The following CARMIL2 variants were observed in gnomAD, a reference collection of about 807,000 sequenced individuals.
The protein encoded by CARMIL2 is capping protein, Arp2/3 and myosin-I linker protein 2.
In CARMIL2, 96 loss-of-function variants were observed where a neutral mutation model predicts 173.3. The observed-to-expected ratio is 0.55, with a 90% CI of 0.47 to 0.66. CARMIL2 has a LOEUF of 0.66. CARMIL2 is among the 30% of genes least tolerant of loss of function. The pLI is 0.00. For missense variants in CARMIL2, 1,771 were observed against 1,906.7 expected (o/e 0.93, Z 1.33); for synonymous variants, 830 against 817.1 (o/e 1.02, Z -0.27).
intron 2 of CARMIL2, 42 bp downstream of exon 2, chr16:67,645,673 C>A: frequency 1.2e-6 from 2 of 1,613,300 alleles, no homozygotes; most frequent in Admixed American, 1.7e-5. Context: ...GCTGTGGCCC[C>A]ACAGAAAGAG....
chr16:67,656,503 G>A lies in CARMIL2; in HGVS notation c.3894G>A (p.Ala1298=), dbSNP rs367879956. The change falls in exon 35 of 38, where the codon GCG becomes GCA. Residue 1298 remains alanine (A), a synonymous_variant. Transcript: ENST00000334583. The stretch of plus-strand genomic sequence containing the variant: ...AGACACTGGGGCAGCAGTTGAATGC[G>A]GAGCTCAGGAGCCGTGGTTGGGGCC... The part of the protein sequence containing the change: ...TWKTLGQQLN[A]ELRSRGWGQQ... 3.1e-5 allele frequency: 50 copies of A among 1,613,140 alleles called. No homozygotes were observed. The highest frequency in any genetic ancestry group is 3.6e-5 in the Non-Finnish European group (42 of 1,179,684).
At chr16:67,650,294 C>T (rs1258081258) in intron 22 of CARMIL2, 144 bp downstream of exon 22, 1 of 659,190 alleles carries the variant, frequency 1.5e-6, no homozygotes, top group East Asian at 2.7e-5. Context: ...TCTCCTTGAT[C>T]TGGAGGCGGC....
chr16:67,646,114 C>T lies in CARMIL2; in HGVS notation c.249+34C>T, dbSNP rs540446094. 5.6e-6 allele frequency: 9 copies of T among 1,613,812 alleles called. No individual in the cohort carries two copies. The South Asian group carries it at 8.8e-5, about 16-fold the overall frequency. On this transcript the variant is annotated intron_variant, in intron 4 of 37. Transcript: ENST00000334583. The surrounding 1 kb of genome is among the most constrained non-coding windows in gnomAD (Gnocchi z 4.6). ...CCTAGTACCCTACCTGGGCCTGCAG[C>T]CTGGTCTTCATGCTACCACCATCAC...
chr16:67,648,481 A>G lies in CARMIL2; in HGVS notation c.1418A>G (p.Lys473Arg), dbSNP rs1415852938. The G allele has an allele frequency of 1.4e-6, 2 of 1,435,864 alleles. No individual in the cohort carries two copies. Among genetic ancestry groups the G allele is most frequent in the South Asian group, 3.0e-5 (2 of 67,766 alleles). The allele number at this position is 1,435,864 out of a possible 1,614,324, so 88.9% of individuals were successfully genotyped here. A position where few individuals can be genotyped will look rare whatever the true frequency, so the allele number is the denominator to read the frequency against. Residue 473 changes from lysine to arginine, a missense_variant, in exon 15 of 38, where the codon AAG becomes AGG. This residue lies in a region of CARMIL2 where 944 missense variants were observed against 975.6 expected (regional missense o/e 0.97). Transcript: ENST00000334583. This position sits in a 1 kb window ranked among gnomAD's most constrained non-coding sequence, Gnocchi z 6.1. ...TLRHLGLAGC[K>R]LPPDALRALL... ...CGGCACCTGGGCCTGGCGGGCTGCAAGCTGCCGCCCGACGCGCTCAGGTCA... is the reference window on the plus strand; with the variant it reads ...CGGCACCTGGGCCTGGCGGGCTGCAGGCTGCCGCCCGACGCGCTCAGGTCA...
chr16:67,653,357 G>A lies in CARMIL2; in HGVS notation c.3120+103G>A. 2 of 436,056 alleles carry A rather than the reference G, an allele frequency of 4.6e-6. No homozygotes were observed. The highest frequency in any genetic ancestry group is 6.4e-6 in the Non-Finnish European group (2 of 314,580). The allele number at this position is 436,056 out of a possible 1,614,324, so 27.0% of individuals were successfully genotyped here. On this transcript the variant is annotated intron_variant, in intron 29 of 37. Coordinates refer to ENST00000334583, the MANE Select transcript of CARMIL2 (RefSeq NM_001013838.3). This position sits in a 1 kb window ranked among gnomAD's most constrained non-coding sequence, Gnocchi z 7.4. Reference sequence around the variant, plus strand: ...CGGTCAAGGAGAGGGGGTGGTGGGGGCCCAAGGCCACCTGGTCGTGCGGCC... The same window carrying A: ...CGGTCAAGGAGAGGGGGTGGTGGGGACCCAAGGCCACCTGGTCGTGCGGCC...
Position 67,654,093 on chromosome 16 carries a change from G to T in CARMIL2, c.3121-56G>T, listed in dbSNP as rs867897872. The T allele has an allele frequency of 2.4e-3, 2,513 of 1,069,112 alleles. 70 individuals carry two copies. In the South Asian group the frequency reaches 0.025, roughly 11 times the overall value. The allele number at this position is 1,069,112 out of a possible 1,614,324, so 66.2% of individuals were successfully genotyped here. ...CAGGCTGCCGGCCGGGGGGGGGGGG[G>T]GGTAGAAGCCAGAGTTGCACTCAAC... On this transcript the variant is annotated intron_variant, in intron 29 of 37. Transcript: ENST00000334583.
At position 67,648,249 on chromosome 16, in the gene CARMIL2, G is replaced by T. The variant is rs377136934; in HGVS notation, c.1269G>T (p.Ala423=). 5.6e-6 allele frequency: 9 copies of T among 1,600,602 alleles called. No individual in the cohort carries two copies. Among genetic ancestry groups the T allele is most frequent in the Non-Finnish European group, 7.6e-6 (9 of 1,176,482 alleles). ...GCCTCCCCCCGCAGCTCTTCGCAGCGGTATCCCGAGGCTGCTGCACCAGCC... is the reference window on the plus strand; with the variant it reads ...GCCTCCCCCCGCAGCTCTTCGCAGCTGTATCCCGAGGCTGCTGCACCAGCC... ...ANSLPPQLFA[A]VSRGCCTSLT... is the part of the protein sequence containing the mutation. The change falls in exon 14 of 38, where the codon GCG becomes GCT. Residue 423 remains alanine, a synonymous_variant. Transcript: ENST00000334583. This position sits in a 1 kb window ranked among gnomAD's most constrained non-coding sequence, Gnocchi z 6.1.
rs116162519 is a variant in CARMIL2 at position 67,650,038 on chromosome 16, C to A, written c.2083-11C>A. The A allele has an allele frequency of 6.1e-4, 981 of 1,613,690 alleles. 8 individuals carry two copies. The African/African-American group carries it at 0.011, about 19-fold the overall frequency. Reference sequence around the variant, plus strand: ...CGTCCCTCGGCATTTCTCAATACCCCTTGCCCCTAGATCCAAGCCTGTCTC... The same window carrying A: ...CGTCCCTCGGCATTTCTCAATACCCATTGCCCCTAGATCCAAGCCTGTCTC... On this transcript the variant is annotated splice_polypyrimidine_tract_variant and intron_variant, in intron 21 of 37. Transcript: ENST00000334583.
intron 33 of CARMIL2, 54 bp downstream of exon 33, chr16:67,656,121 A>G: frequency 6.2e-7 from 1 of 1,611,218 alleles, no homozygotes; most frequent in Non-Finnish European, 8.5e-7. Flanking sequence ...GTCCTTATAG[A>G]CAGCCCCCAA....
intron 33 of CARMIL2, 32 bp from the exon 34 acceptor site, chr16:67,656,196 C>G (rs746377085): frequency 6.2e-7 from 1 of 1,613,244 alleles, no homozygotes. Context: ...CCTCCAAGGT[C>G]TGGTACCTGA....
At position 67,646,106 on chromosome 16, in the gene CARMIL2, G is replaced by T; in HGVS notation, c.249+26G>T. The T allele has an allele frequency of 1.2e-6, 2 of 1,613,782 alleles. No individual in the cohort carries two copies. Among genetic ancestry groups the T allele is most frequent in the South Asian group, 1.1e-5 (1 of 91,086 alleles). On this transcript the variant is annotated intron_variant, in intron 4 of 37. Coordinates refer to ENST00000334583, the MANE Select transcript of CARMIL2 (RefSeq NM_001013838.3). The surrounding 1 kb of genome is among the most constrained non-coding windows in gnomAD (Gnocchi z 4.6). ...GTGAGACACCTAGTACCCTACCTGG[G>T]CCTGCAGCCTGGTCTTCATGCTACC... is the stretch of plus-strand genomic sequence containing the variant.
chr16:67,656,747 G>T, intron 35 of CARMIL2, 54 bp from the exon 36 acceptor site: 1 of 1,553,108 alleles, frequency 6.4e-7, no homozygotes, highest in Non-Finnish European at 8.7e-7. Flanking sequence ...TGGGAGGCAA[G>T]GGCTGGAGTG....
Position 67,647,295 on chromosome 16 carries a change from T to G in CARMIL2, c.688-4T>G, listed in dbSNP as rs1441084356. On this transcript the variant is annotated splice_polypyrimidine_tract_variant and splice_region_variant and intron_variant, in intron 9 of 37. Coordinates refer to ENST00000334583, the MANE Select transcript of CARMIL2 (RefSeq NM_001013838.3). ...CCCGTGAGCCGCCGCCCTCTGCTTCTCAGAGCCTTGAGGTCTCAGAACAGA... is the reference window on the plus strand; with the variant it reads ...CCCGTGAGCCGCCGCCCTCTGCTTCGCAGAGCCTTGAGGTCTCAGAACAGA... The G allele has an allele frequency of 6.2e-7, 1 of 1,606,140 alleles. No homozygotes were observed. Among genetic ancestry groups the G allele is most frequent in the African/African-American group, 1.3e-5 (1 of 74,784 alleles).
Position 67,647,763 on chromosome 16 carries a change from C to A in CARMIL2, c.955C>A (p.Arg319=). 3 of 1,488,756 alleles carry A rather than the reference C, an allele frequency of 2.0e-6. No individual in the cohort carries two copies. The highest frequency in any genetic ancestry group is 2.7e-6 in the Non-Finnish European group (3 of 1,118,794). The allele number at this position is 1,488,756 out of a possible 1,614,324, so 92.2% of individuals were successfully genotyped here. A position where few individuals can be genotyped will look rare whatever the true frequency, so the allele number is the denominator to read the frequency against. ...LSLAQTGLTP[R]GMRALGRALA... ...CCTGGCCCAGACAGGGTTGACACCG[C>A]GAGGTAGGCTGGATGAGGGAGGGGG... Residue 319 remains arginine (R), a synonymous_variant, in exon 12 of 38, where the codon CGA becomes AGA. Transcript: ENST00000334583.
At position 67,649,936 on chromosome 16, in the gene CARMIL2, C is replaced by T. The variant is rs567410631; in HGVS notation, c.2050C>T (p.Arg684Cys). ...LNDVAQAQRS[R>C]PELTARAVHQ... ...CGACGTGGCCCAGGCGCAGCGCAGC[C>T]GCCCGGAACTGACAGCACGTGCAGT... is the stretch of plus-strand genomic sequence containing the variant. The change falls in exon 21 of 38, where the codon CGC (arginine) becomes TGC (cysteine). Residue 684 changes from arginine to cysteine, a missense_variant. Arg to Cys is a radical substitution (Grantham distance 180). Around this residue, in one of 3 missense-constraint regions of CARMIL2, gnomAD observed 944 missense variants for 975.6 expected, o/e 0.97. Transcript: ENST00000334583. This position sits in a 1 kb window ranked among gnomAD's most constrained non-coding sequence, Gnocchi z 6.7. The T allele has an allele frequency of 2.4e-5, 38 of 1,613,274 alleles. No homozygotes were observed. In the Admixed American group the frequency reaches 2.7e-4, roughly 11 times the overall value.
In CARMIL2 at chr16:67,654,205, C is replaced by A; in HGVS notation, c.3177C>A (p.Gly1059=). 1 of 1,564,990 alleles carries A rather than the reference C, an allele frequency of 6.4e-7. No homozygotes were observed. Among genetic ancestry groups the A allele is most frequent in the Non-Finnish European group, 8.7e-7 (1 of 1,155,876 alleles). The change falls in exon 30 of 38, where the codon GGC becomes GGA. Residue 1059 remains glycine, a synonymous_variant. Transcript: ENST00000334583. ...GNGLSARVDE[G]VEEFFSKRLI... is the part of the protein sequence containing the mutation. ...GGCTCAGTGCCCGCGTGGACGAGGG[C>A]GTGGAGGAATTCTTCTCCAAAAGGC...
In CARMIL2 at chr16:67,654,494, A is replaced by C; in HGVS notation, c.3384A>C (p.Arg1128=). 1 of 1,612,722 alleles carries C rather than the reference A, an allele frequency of 6.2e-7. No individual in the cohort carries two copies. Residue 1128 remains arginine (R), a synonymous_variant, in exon 31 of 38, where the codon CGA becomes CGC. Coordinates refer to ENST00000334583, the MANE Select transcript of CARMIL2 (RefSeq NM_001013838.3). ...GCCCTGGGGCAGCTCCCCGAACCCG[A>C]AAAACTACATTTGGCGACCTACTGC... ...ETSPGAAPRT[R]KTTFGDLLRP... is the part of the protein sequence containing the mutation.
At chr16:67,654,076 CG>C in intron 29 of CARMIL2, 72 bp from the exon 30 acceptor site, 4 of 928,316 alleles carry the variant, frequency 4.3e-6, no homozygotes, top group East Asian at 6.0e-5. Flanking sequence ...TCCAGGCTGC[CG>C]GCCGGGGGGG....
At position 67,649,994 on chromosome 16, in the gene CARMIL2, C is replaced by T. The variant is rs753864551; in HGVS notation, c.2082+26C>T. The T allele has an allele frequency of 2.5e-5, 41 of 1,613,604 alleles. No homozygotes were observed. The South Asian group carries it at 4.3e-4, about 17-fold the overall frequency. On this transcript the variant is annotated intron_variant, in intron 21 of 37. Coordinates refer to ENST00000334583, the MANE Select transcript of CARMIL2 (RefSeq NM_001013838.3). The surrounding 1 kb of genome is among the most constrained non-coding windows in gnomAD (Gnocchi z 6.7). ...GTGGGCGTCCCCCTCTTCCCTTGCCCTTCTCTGCACGGTAACTCCGTCCCT... is the reference window on the plus strand; with the variant it reads ...GTGGGCGTCCCCCTCTTCCCTTGCCTTTCTCTGCACGGTAACTCCGTCCCT...
Sources: gnomAD v4.1 joint callset for allele counts on GRCh38, gnomAD v4.1.1 for gene constraint, gnomAD v4.1.1 regional missense constraint, Gnocchi (gnomAD v3.1) non-coding constraint, MANE v1.5 for transcripts, NCBI Gene and HGNC (gene_info 2026-07-23, HGNC 2026-07-21) for gene names.